The following DACH2 variants were observed in gnomAD, a reference collection of about 807,000 sequenced individuals.
DACH2 encodes dachshund homolog 2.
A neutral mutation model predicts 35.8 loss-of-function variants in DACH2; 17 were observed. The observed-to-expected ratio is 0.48, with a 90% CI of 0.33 to 0.71. The LOEUF is 0.71. DACH2 is among the 30% of genes least tolerant of loss of function. The probability of loss-of-function intolerance (pLI) is 0.02; values close to 1 mark genes in which losing one functional copy is unlikely to be tolerated. For missense variants in DACH2, 469 were observed against 472.7 expected, an observed-to-expected ratio of 0.99 and a Z score of 0.07; for synonymous variants, 195 against 177.3, an observed-to-expected ratio of 1.10 and a Z score of -0.79.
chrX:86,276,072 C>G lies in DACH2; in HGVS notation c.489-100752C>G, dbSNP rs772016399. On this transcript the variant is annotated intron_variant, in intron 1 of 11. Transcript: ENST00000373125. Reference sequence around the variant, plus strand: ...AATTTCCTTTCTTTTGGGTATATACCCAGCAGTGAGATTGCTGGATCATAT... The same window carrying G: ...AATTTCCTTTCTTTTGGGTATATACGCAGCAGTGAGATTGCTGGATCATAT... Among the ~76,000 whole-genome samples, 18 of 111,870 alleles carry G rather than the reference C, an allele frequency of 1.6e-4. 1 individual carries two copies. The South Asian group carries it at 5.9e-3, about 37-fold the overall frequency.
At chrX:86,232,172 C>T (rs1234596170) in intron 1 of DACH2, among the ~76,000 whole-genome samples, 1 of 111,217 alleles carries the variant, frequency 9.0e-6, no homozygotes, top group Non-Finnish European at 1.9e-5. Context: ...AGTTGACGAT[C>T]TTGAAAAGAT....
At chrX:86,572,100 C>T (rs944722823) in intron 3 of DACH2, among the ~76,000 whole-genome samples, 10 of 110,357 alleles carry the variant, frequency 9.1e-5, no homozygotes, top group African/African-American at 3.3e-4. Flanking sequence ...TTGCGGGGTG[C>T]GGGGAAGGGG....
intron 2 of DACH2, among the ~76,000 whole-genome samples, chrX:86,463,181 A>G (rs207478527): frequency 3.6e-5 from 4 of 110,682 alleles, no homozygotes; most frequent in East Asian, 5.6e-4. Context: ...CCTATTATGT[A>G]TGTATTATTA....
At chrX:86,689,478 T>C (rs2040986382) in intron 4 of DACH2, among the ~76,000 whole-genome samples, 1 of 111,844 alleles carries the variant, frequency 8.9e-6, no homozygotes, top group Admixed American at 9.6e-5. Context: ...AGTTTAATTA[T>C]GATTTAAAAT....
At chrX:86,550,887 G>T (rs2039039697) in intron 3 of DACH2, among the ~76,000 whole-genome samples, 1 of 111,619 alleles carries the variant, frequency 9.0e-6, no homozygotes, top group African/African-American at 3.3e-5. Context: ...TGTCTTACGT[G>T]GAGTATATGA....
At chrX:86,722,859 A>T (rs1046107199) in intron 6 of DACH2, among the ~76,000 whole-genome samples, 20 of 111,421 alleles carry the variant, frequency 1.8e-4, no homozygotes, top group African/African-American at 6.5e-4. Flanking sequence ...GCCTCATAGC[A>T]TTATTTAGGG....
chrX:86,482,850 T>C (rs2037959706), intron 2 of DACH2, among the ~76,000 whole-genome samples: 1 of 109,233 alleles, frequency 9.2e-6, no homozygotes, highest in Non-Finnish European at 1.9e-5. Context: ...GGGACATGGA[T>C]GAAATTGGAA....
intron 1 of DACH2, among the ~76,000 whole-genome samples, chrX:86,167,201 A>T (rs1471958897): frequency 9.0e-6 from 1 of 111,236 alleles, no homozygotes; most frequent in Non-Finnish European, 1.9e-5. Context: ...GCTTTTCTTC[A>T]CTGGGGGAAT....
rs73514089 is a variant in DACH2 at position 86,244,418 on chromosome X, G to A, written c.488+95310G>A. 5.6e-3 allele frequency among the ~76,000 whole-genome samples: 626 copies of A among 112,020 alleles called. 4 individuals carry two copies. Among genetic ancestry groups the A allele is most frequent in the African/African-American group, 0.02 (611 of 30,873 alleles). The stretch of plus-strand genomic sequence containing the variant: ...GATGGAGGTGTAAGCAGTGTGTTGT[G>A]GCAGAAGGAAGAATAGAAGACAGAA... On this transcript the variant is annotated intron_variant, in intron 1 of 11. Coordinates refer to ENST00000373125, the MANE Select transcript of DACH2 (RefSeq NM_053281.3).
At chrX:86,468,468 C>T (rs1480372384) in intron 2 of DACH2, among the ~76,000 whole-genome samples, 1 of 111,332 alleles carries the variant, frequency 9.0e-6, no homozygotes, top group Non-Finnish European at 1.9e-5. Context: ...CTGTATCCCA[C>T]TTATTTAACT....
At chrX:86,203,631 T>C (rs1301097453) in intron 1 of DACH2, among the ~76,000 whole-genome samples, 1 of 111,899 alleles carries the variant, frequency 8.9e-6, no homozygotes, top group East Asian at 2.8e-4. Context: ...TCCACAATGG[T>C]ATAAAATTCA....
intron 3 of DACH2, among the ~76,000 whole-genome samples, chrX:86,551,066 G>A (rs773751731): frequency 9.0e-6 from 1 of 111,642 alleles, no homozygotes; most frequent in East Asian, 2.8e-4. Context: ...GACAAGCGAG[G>A]CCTGCAAAAT....
intron 3 of DACH2, among the ~76,000 whole-genome samples, chrX:86,649,637 C>T (rs955764919): frequency 2.7e-5 from 3 of 110,909 alleles, no homozygotes; most frequent in Non-Finnish European, 3.8e-5. Context: ...TTTTTCTTTG[C>T]GATGATTTAG....
intron 3 of DACH2, among the ~76,000 whole-genome samples, chrX:86,603,687 T>C (rs1569450809): frequency 1.8e-5 from 2 of 111,623 alleles, no homozygotes; most frequent in African/African-American, 3.3e-5. Context: ...TTTCATTGAA[T>C]TCTCTTCATC....
intron 1 of DACH2, among the ~76,000 whole-genome samples, chrX:86,283,963 A>G (rs948060573): frequency 6.6e-5 from 7 of 106,539 alleles, no homozygotes; most frequent in Non-Finnish European, 1.3e-4. Context: ...GTGTCCCACA[A>G]CTTTACTGAA....
At chrX:86,405,113 T>C (rs888633193) in intron 2 of DACH2, among the ~76,000 whole-genome samples, 2 of 111,479 alleles carry the variant, frequency 1.8e-5, no homozygotes, top group African/African-American at 3.3e-5. Context: ...TCCTAGGTCT[T>C]GGGGTCTGTG....
At chrX:86,452,601 T>A (rs1204420710) in intron 2 of DACH2, among the ~76,000 whole-genome samples, 1 of 111,754 alleles carries the variant, frequency 8.9e-6, no homozygotes, top group African/African-American at 3.3e-5. Flanking sequence ...CATTTTCTAG[T>A]TTATGTGCAT....
At chrX:86,758,568 A>C (rs2041850365) in intron 7 of DACH2, among the ~76,000 whole-genome samples, 1 of 111,890 alleles carries the variant, frequency 8.9e-6, no homozygotes, top group South Asian at 3.7e-4. Context: ...TTTCAGTTTT[A>C]ATCCATTGTG....
intron 7 of DACH2, among the ~76,000 whole-genome samples, chrX:86,809,278 T>C: frequency 8.9e-6 from 1 of 111,732 alleles, no homozygotes; most frequent in South Asian, 3.7e-4. Flanking sequence ...TTCCTGGGTT[T>C]AATAAGAGAT....
Sources: gnomAD v4.1 joint callset for allele counts (sites outside exome capture counted in the v4.1 genomes callset) on GRCh38, gnomAD v4.1.1 for gene constraint, MANE v1.5 for transcripts, NCBI Gene and HGNC (gene_info 2026-07-23, HGNC 2026-07-21) for gene names.